Variants in SND1 observed in about 807,000 individuals in gnomAD.
SND1 encodes staphylococcal nuclease and tudor domain containing 1.
In SND1, 38 loss-of-function variants were observed where a neutral mutation model predicts 121.7. The observed-to-expected ratio is 0.31, with a 90% CI of 0.24 to 0.41. The LOEUF (loss-of-function observed/expected upper bound fraction) is 0.41. Ranked by LOEUF, SND1 falls within the 10% of genes least tolerant of loss-of-function variation. The pLI is 1.00. For synonymous variants in SND1, 401 were observed against 447.4 expected, an observed-to-expected ratio of 0.90 and a Z score of 1.31; for missense variants, 868 against 1,184.6, an observed-to-expected ratio of 0.73 and a Z score of 3.92.
At chr7:127,788,945 T>C (rs1001630828) in intron 10 of SND1, among the ~76,000 whole-genome samples, 1 of 152,218 alleles carries the variant, frequency 6.6e-6, no homozygotes, top group Non-Finnish European at 1.5e-5. Flanking sequence ...TCTGTTCTTA[T>C]AGTACCTTGT....
intron 1 of SND1, among the ~76,000 whole-genome samples, chr7:127,672,925 G>C (rs1795548670): frequency 6.6e-6 from 1 of 151,994 alleles, no homozygotes; most frequent in Non-Finnish European, 1.5e-5. Context: ...CACCATATCA[G>C]TGAGGCACAC....
chr7:127,774,157 C>A (rs900735907), intron 10 of SND1, among the ~76,000 whole-genome samples: 1 of 152,190 alleles, frequency 6.6e-6, no homozygotes, highest in Non-Finnish European at 1.5e-5. Flanking sequence ...GAGGAGATGA[C>A]AGCTCCATGT....
At chr7:127,953,151 CGTGTGTGTGTGTGTGTGTGTGTGTGTGT>C (rs59825900) in intron 15 of SND1, among the ~76,000 whole-genome samples, 5,036 of 92,330 alleles carry the variant, frequency 0.055, 190 homozygotes, top group Admixed American at 0.098. Context: ...GTGACAAGAC[CGTGTGTGTGTGTGTGTGTGTGTGTGTGT>C]GTGTGTGTGT....
At position 127,652,290 on chromosome 7, in the gene SND1, G is replaced by T; in HGVS notation, c.-84G>T. On this transcript the variant is annotated 5_prime_UTR_variant, in exon 1 of 24. Transcript: ENST00000354725. Reference sequence around the variant, plus strand: ...TGGTAGCCAGCCTGCCCCTCGCCTCGACTCCCTTTCACCAACACCGACACC... The same window carrying T: ...TGGTAGCCAGCCTGCCCCTCGCCTCTACTCCCTTTCACCAACACCGACACC... 1 of 1,185,372 alleles carries T rather than the reference G, an allele frequency of 8.4e-7. No individual in the cohort carries two copies. The highest frequency in any genetic ancestry group is 1.3e-5 in the South Asian group (1 of 76,632). 73.4% of individuals were successfully genotyped at this position (1,185,372 alleles called of 1,614,324 possible). A position where few individuals can be genotyped will look rare whatever the true frequency, so the allele number is the denominator to read the frequency against.
intron 10 of SND1, among the ~76,000 whole-genome samples, chr7:127,789,182 A>G (rs972411918): frequency 6.6e-6 from 1 of 152,166 alleles, no homozygotes; most frequent in African/African-American, 2.4e-5. Flanking sequence ...CTGCCTCCCC[A>G]ACTCTACTGG....
chr7:128,032,402 G>A (rs1792653489), intron 16 of SND1, among the ~76,000 whole-genome samples: 1 of 151,640 alleles, frequency 6.6e-6, no homozygotes, highest in Non-Finnish European at 1.5e-5. Flanking sequence ...GAGCCGGAGT[G>A]AGCGTCAAGT....
chr7:127,746,615 T>G (rs1445839589), intron 10 of SND1, among the ~76,000 whole-genome samples: 1 of 152,200 alleles, frequency 6.6e-6, no homozygotes, highest in African/African-American at 2.4e-5. Flanking sequence ...TCTTTTCCAA[T>G]TTTCTGTGCC....
At chr7:127,767,104 G>A (rs1000266915) in intron 10 of SND1, among the ~76,000 whole-genome samples, 4 of 151,794 alleles carry the variant, frequency 2.6e-5, no homozygotes, top group Admixed American at 2.0e-4. Flanking sequence ...AAACTTAATC[G>A]TCACTTACTC....
At chr7:127,692,679 G>T (rs1315180439) in intron 2 of SND1, 4 of 152,166 alleles carry the variant, frequency 2.6e-5, no homozygotes, top group Non-Finnish European at 5.9e-5. Context: ...ATCTTGTCCA[G>T]TTATTGAATT....
chr7:127,737,808 G>C (rs1796804228), intron 10 of SND1, among the ~76,000 whole-genome samples: 1 of 152,190 alleles, frequency 6.6e-6, no homozygotes, highest in East Asian at 1.9e-4. Context: ...AGTTTCAGCA[G>C]TTGAGCATTT....
At chr7:128,030,245 G>A in intron 16 of SND1, 1 of 1,614,232 alleles carries the variant, frequency 6.2e-7, no homozygotes, top group Non-Finnish European at 8.5e-7. Flanking sequence ...TCAGCCAGTT[G>A]TCGAACAGCT....
At chr7:127,880,302 T>C (rs1192862013) in intron 12 of SND1, among the ~76,000 whole-genome samples, 2 of 152,182 alleles carry the variant, frequency 1.3e-5, no homozygotes, top group Non-Finnish European at 2.9e-5. Flanking sequence ...TGCTAAATTA[T>C]AGGTTAAACT....
intron 9 of SND1, among the ~76,000 whole-genome samples, chr7:127,718,358 A>G (rs929047859): frequency 6.6e-6 from 1 of 152,214 alleles, no homozygotes; most frequent in Admixed American, 6.5e-5. Flanking sequence ...CTTACTGCAC[A>G]GTACGTGGCT....
chr7:127,687,945 A>G lies in SND1; in HGVS notation c.228+1183A>G, dbSNP rs182476376. 1.1e-4 allele frequency among the ~76,000 whole-genome samples: 17 copies of G among 152,144 alleles called. No homozygotes were observed. In the East Asian group the frequency reaches 3.3e-3, roughly 29 times the overall value. ...TCAAGCAATCTTTCTGCCTCGCCCT[A>G]AAGTACTGGGATTACAGGTGTGAGC... On this transcript the variant is annotated intron_variant, in intron 2 of 23. Transcript: ENST00000354725.
At chr7:127,734,777 C>T (rs896093154) in intron 10 of SND1, among the ~76,000 whole-genome samples, 4 of 152,070 alleles carry the variant, frequency 2.6e-5, no homozygotes, top group Non-Finnish European at 2.9e-5. Context: ...AGTCTTCTGC[C>T]GAGTTCTTTT....
In SND1 at chr7:127,991,114, T is replaced by G. The variant is rs6956580; in HGVS notation, c.1779+58T>G. 1,304 of 1,197,116 alleles carry G rather than the reference T, an allele frequency of 1.1e-3. 11 individuals are homozygous for G. The African/African-American group carries it at 0.018, about 16-fold the overall frequency. 74.2% of individuals were successfully genotyped at this position (1,197,116 alleles called of 1,614,324 possible). Reference sequence around the variant, plus strand: ...GAGGGGTGACAAAATAAGGCTCCCTTGGTCTGCCATGTCAGAGATCAGTCT... The same window carrying G: ...GAGGGGTGACAAAATAAGGCTCCCTGGGTCTGCCATGTCAGAGATCAGTCT... On this transcript the variant is annotated intron_variant, in intron 16 of 23. Transcript: ENST00000354725.
intron 16 of SND1, among the ~76,000 whole-genome samples, chr7:128,021,017 T>C (rs900079572): frequency 6.6e-6 from 1 of 152,194 alleles, no homozygotes; most frequent in African/African-American, 2.4e-5. Context: ...CTTTCCCTGG[T>C]TCCTTCAACA....
intron 12 of SND1, among the ~76,000 whole-genome samples, chr7:127,879,472 G>A (rs891902750): frequency 1.3e-5 from 2 of 152,090 alleles, no homozygotes; most frequent in South Asian, 2.1e-4. Context: ...AGTCTTCTGA[G>A]CTTTCCACCC....
intron 16 of SND1, among the ~76,000 whole-genome samples, chr7:128,023,855 TCACA>T (rs1457929686): frequency 6.6e-6 from 1 of 152,210 alleles, no homozygotes; most frequent in Non-Finnish European, 1.5e-5. Flanking sequence ...GAGATCTATG[TCACA>T]CACATACATA....
Sources: allele counts gnomAD v4.1 joint callset (sites outside exome capture counted in the v4.1 genomes callset), GRCh38; gene constraint gnomAD v4.1.1; transcripts MANE v1.5; gene names NCBI Gene and HGNC (gene_info 2026-07-23, HGNC 2026-07-21).